Variants in GSAP observed in about 807,000 individuals in gnomAD.
GSAP encodes the protein gamma-secretase activating protein, also known as gamma-secretase-activating protein.
A neutral mutation model predicts 131.7 loss-of-function variants in GSAP; 118 were observed. The observed-to-expected ratio is 0.90, with a 90% CI of 0.77 to 1.04. The LOEUF (loss-of-function observed/expected upper bound fraction) is 1.04. Ranked by LOEUF, GSAP falls within the 50% of genes least tolerant of loss-of-function variation. The pLI is 0.00. For missense variants in GSAP, 1,019 were observed against 1,013.2 expected, an observed-to-expected ratio of 1.01 and a Z score of -0.08; for synonymous variants, 381 against 363.4, an observed-to-expected ratio of 1.05 and a Z score of -0.55.
chr7:77,399,785 A>AT (rs1324162141), intron 3 of GSAP, among the ~76,000 whole-genome samples: 1 of 151,976 alleles, frequency 6.6e-6, no homozygotes, highest in African/African-American at 2.4e-5. Context: ...CTGGACATAT[A>AT]TTTTTTAAGT....
intron 3 of GSAP, among the ~76,000 whole-genome samples, chr7:77,403,437 T>C (rs1181528995): frequency 1.3e-5 from 2 of 152,194 alleles, no homozygotes; most frequent in East Asian, 3.8e-4. Context: ...ATAAAGGACA[T>C]TTAAGTTCAA....
intron 20 of GSAP, 43 bp from the exon 21 acceptor site, chr7:77,329,434 T>C (rs1788763267): frequency 8.8e-7 from 1 of 1,133,108 alleles, no homozygotes; most frequent in Admixed American, 2.2e-5. Context: ...GTAAAGGTTT[T>C]ATCGGTGACT....
At chr7:77,389,326 TTG>T (rs1446264012) in intron 5 of GSAP, among the ~76,000 whole-genome samples, 1 of 134,502 alleles carries the variant, frequency 7.4e-6, no homozygotes, top group African/African-American at 3.9e-5. Context: ...TTGTTTTGTT[TTG>T]TTTTTTGTTT....
At position 77,316,488 on chromosome 7, in the gene GSAP, C is replaced by CACT. The variant is rs1026758680; in HGVS notation, c.2090-2002_2090-2000dup. On this transcript the variant is annotated intron_variant, in intron 26 of 30. Transcript: ENST00000257626. ...TGTTAATGGGCTAACAGGATGAGTC[C>CACT]ACTAGCTTCCCTGAGTCCAAAAAAA... Among the ~76,000 whole-genome samples the CACT allele has an allele frequency of 1.2e-3, 181 of 152,264 alleles. 2 individuals carry two copies. The highest frequency in any genetic ancestry group is 0.012 in the Admixed American group (178 of 15,290).
At chr7:77,346,406 G>A (rs1400982498) in intron 19 of GSAP, among the ~76,000 whole-genome samples, 2 of 151,254 alleles carry the variant, frequency 1.3e-5, no homozygotes, top group African/African-American at 4.9e-5. Flanking sequence ...TTGAGTTAAG[G>A]CACTGCAACC....
intron 26 of GSAP, 120 bp from the exon 27 acceptor site, chr7:77,314,609 G>T (rs1794771767): frequency 6.7e-6 from 7 of 1,045,628 alleles, no homozygotes; most frequent in Non-Finnish European, 8.3e-6. Context: ...GGAACCAACT[G>T]AATTTCTTGA....
chr7:77,347,988 A>C (rs905512976), intron 19 of GSAP, among the ~76,000 whole-genome samples: 1 of 91,102 alleles, frequency 1.1e-5, no homozygotes, highest in African/African-American at 3.0e-5. Context: ...CCATCTCTAC[A>C]AAAAAAAAAA....
At chr7:77,377,109 T>G (rs1156368885) in intron 9 of GSAP, among the ~76,000 whole-genome samples, 177 bp downstream of exon 9, 1 of 151,640 alleles carries the variant, frequency 6.6e-6, no homozygotes, top group Non-Finnish European at 1.5e-5. Flanking sequence ...ATCCATGTTT[T>G]AGGAGCCTGA....
chr7:77,320,221 T>C (rs1390419237), intron 26 of GSAP, among the ~76,000 whole-genome samples: 7 of 152,186 alleles, frequency 4.6e-5, no homozygotes, highest in African/African-American at 7.2e-5. Flanking sequence ...CAAATATTTG[T>C]TGACTAAATG....
At chr7:77,347,163 C>G (rs1043892789) in intron 19 of GSAP, among the ~76,000 whole-genome samples, 2 of 152,128 alleles carry the variant, frequency 1.3e-5, no homozygotes, top group Non-Finnish European at 2.9e-5. Context: ...CCACTCTATG[C>G]GTCTCTTCAT....
At chr7:77,381,792 G>A (rs1457983472) in intron 7 of GSAP, among the ~76,000 whole-genome samples, 7 of 151,874 alleles carry the variant, frequency 4.6e-5, no homozygotes, top group Admixed American at 2.6e-4. Flanking sequence ...ACATTTTGGG[G>A]AAGCATTTTA....
intron 13 of GSAP, among the ~76,000 whole-genome samples, chr7:77,361,980 C>T (rs1794586758): frequency 6.6e-6 from 1 of 152,060 alleles, no homozygotes; most frequent in Admixed American, 6.6e-5. Context: ...TTCCAAATAG[C>T]GATAACTAAA....
Position 77,314,493 on chromosome 7 carries a change from G to A in GSAP, c.2090-4C>T. On this transcript the variant is annotated splice_polypyrimidine_tract_variant and splice_region_variant and intron_variant, in intron 26 of 30. Coordinates refer to ENST00000257626, the MANE Select transcript of GSAP (RefSeq NM_017439.4). ...ATGGTGTGCAGAGTATGAAAACCTA[G>A]GATGAGAGATCTGGAGGGTAAACAC... 2.5e-6 allele frequency: 4 copies of A among 1,613,436 alleles called. No individual in the cohort carries two copies. The highest frequency in any genetic ancestry group is 3.4e-6 in the Non-Finnish European group (4 of 1,179,584).
chr7:77,408,860 T>C (rs966078468), intron 1 of GSAP, among the ~76,000 whole-genome samples: 13 of 152,054 alleles, frequency 8.5e-5, no homozygotes, highest in Non-Finnish European at 1.9e-4. Context: ...TCTGTATTCC[T>C]AAAAGGAAAA....
chr7:77,321,776 A>G (rs1470914639), intron 24 of GSAP, among the ~76,000 whole-genome samples: 2 of 152,198 alleles, frequency 1.3e-5, no homozygotes, highest in African/African-American at 2.4e-5. Context: ...TCAGAAGAAA[A>G]GAGACACAGA....
At chr7:77,391,713 T>C (rs1485173507) in intron 5 of GSAP, among the ~76,000 whole-genome samples, 5 of 152,028 alleles carry the variant, frequency 3.3e-5, no homozygotes, top group African/African-American at 9.7e-5. Flanking sequence ...TGTGTGCCTA[T>C]AGTCCCAGTT....
intron 15 of GSAP, 38 bp downstream of exon 15, chr7:77,355,517 A>G: frequency 6.5e-7 from 1 of 1,528,714 alleles, no homozygotes; most frequent in Non-Finnish European, 9.0e-7. Context: ...AACAAACTCA[A>G]ATGGGCCACC....
At chr7:77,356,640 T>C (rs1432357726) in intron 14 of GSAP, among the ~76,000 whole-genome samples, 1 of 151,692 alleles carries the variant, frequency 6.6e-6, no homozygotes, top group African/African-American at 2.4e-5. Flanking sequence ...ATCAAGAACA[T>C]TTGTACTCAG....
rs141570227 is a variant in GSAP, at chr7:77,388,866, CAGTA to C, written c.368-1422_368-1419del. Among the ~76,000 whole-genome samples, 137 of 152,304 alleles carry C rather than the reference CAGTA, an allele frequency of 9.0e-4. 2 individuals carry two copies. The East Asian group carries it at 0.016, about 18-fold the overall frequency. On this transcript the variant is annotated intron_variant, in intron 5 of 30. Coordinates refer to ENST00000257626, the MANE Select transcript of GSAP (RefSeq NM_017439.4). ...CCTTTTAAATATTACTTGAAAAAGACAGTAAGTGAGTTATTATATTGAATCATAT... is the reference window on the plus strand; with the variant it reads ...CCTTTTAAATATTACTTGAAAAAGACAGTGAGTTATTATATTGAATCATAT...
Sources: gnomAD v4.1 joint callset for allele counts (sites outside exome capture counted in the v4.1 genomes callset) on GRCh38, gnomAD v4.1.1 for gene constraint, MANE v1.5 for transcripts, NCBI Gene and HGNC (gene_info 2026-07-23, HGNC 2026-07-21) for gene names.